The following MBP variants were observed in gnomAD, a reference collection of about 807,000 sequenced individuals.
MBP encodes myelin basic protein.
In MBP, 16 loss-of-function variants were observed where a neutral mutation model predicts 35.8. The ratio of observed to expected loss-of-function variants is 0.45; its 90% confidence interval spans 0.30 to 0.68. MBP has a LOEUF of 0.68. Among genes scored for constraint, MBP ranks in the 30% least tolerant of loss-of-function variants. The probability of loss-of-function intolerance (pLI) is 0.08; values close to 1 mark genes in which losing one functional copy is unlikely to be tolerated. For missense variants in MBP, 380 were observed against 404.7 expected, an observed-to-expected ratio of 0.94 and a Z score of 0.52; for synonymous variants, 143 against 159.6, an observed-to-expected ratio of 0.90 and a Z score of 0.78.
chr18:77,082,683 G>T (rs907795537), intron 2 of MBP, among the ~76,000 whole-genome samples: 19 of 55,584 alleles, frequency 3.4e-4, no homozygotes, highest in Non-Finnish European at 6.5e-4. Context: ...CTTCCTCCCT[G>T]CAGCAGCTGG....
rs1214017403 is a variant in MBP, at chr18:76,984,764, G to C, written c.870+11C>G. The C allele has an allele frequency of 3.1e-6, 5 of 1,613,914 alleles. No individual in the cohort carries two copies. The highest frequency in any genetic ancestry group is 1.7e-5 in the Admixed American group (1 of 60,024). ...TCCCCGCTCAGTGGAGCTGAGCAGA[G>C]GGTACCTTACCAGCTTAAAAATTTT... On this transcript the variant is annotated intron_variant, in intron 8 of 8. Coordinates refer to ENST00000355994, the MANE Select transcript of MBP (RefSeq NM_001025101.2).
intron 4 of MBP, chr18:77,009,771 C>G: frequency 3.0e-6 from 4 of 1,321,582 alleles, no homozygotes; most frequent in Non-Finnish European, 4.2e-6. Flanking sequence ...CTACCTGCCC[C>G]GAGGGACAGT....
rs181708473 is a variant in MBP, at chr18:76,997,872, C to T, written c.577-7812G>A. Among the ~76,000 whole-genome samples, 421 of 152,074 alleles carry T rather than the reference C, an allele frequency of 2.8e-3. 1 individual carries two copies. The highest frequency in any genetic ancestry group is 4.3e-3 in the Admixed American group (65 of 15,280). Reference sequence around the variant, plus strand: ...GATTTTTTTGTATTTTTAGTAGAGACGGGGTTTCACTGTGTTAGCCAGGAT... The same window carrying T: ...GATTTTTTTGTATTTTTAGTAGAGATGGGGTTTCACTGTGTTAGCCAGGAT... On this transcript the variant is annotated intron_variant, in intron 4 of 8. Coordinates refer to ENST00000355994, the MANE Select transcript of MBP (RefSeq NM_001025101.2).
At chr18:77,080,018 C>G (rs1379296922) in intron 2 of MBP, among the ~76,000 whole-genome samples, 1 of 152,110 alleles carries the variant, frequency 6.6e-6, no homozygotes, top group Non-Finnish European at 1.5e-5. Context: ...GTTTTTTAAA[C>G]CTAAATCTGG....
intron 3 of MBP, among the ~76,000 whole-genome samples, chr18:77,053,119 G>C (rs1973571728): frequency 6.6e-6 from 1 of 152,252 alleles, no homozygotes; most frequent in Non-Finnish European, 1.5e-5. Flanking sequence ...GAAGCAGAGA[G>C]GGGAACAGCA....
intron 2 of MBP, among the ~76,000 whole-genome samples, chr18:77,075,576 C>G (rs1299664867): frequency 6.6e-6 from 1 of 152,154 alleles, no homozygotes; most frequent in Non-Finnish European, 1.5e-5. Flanking sequence ...GATATGCAAG[C>G]CCCTCTTTGA....
chr18:77,036,702 G>C (rs536400990), intron 3 of MBP, among the ~76,000 whole-genome samples: 85 of 148,050 alleles, frequency 5.7e-4, no homozygotes, highest in African/African-American at 2.0e-3. Flanking sequence ...AGCAAGTGCT[G>C]GTCACATTTT....
At position 76,988,874 on chromosome 18, in the gene MBP, T is replaced by TA; in HGVS notation, c.717+2dup. The TA allele has an allele frequency of 6.2e-7, 1 of 1,613,646 alleles. No homozygotes were observed. Among genetic ancestry groups the TA allele is most frequent in the Non-Finnish European group, 8.5e-7 (1 of 1,179,720 alleles). On this transcript the variant is annotated splice_region_variant and intron_variant, in intron 6 of 8. Coordinates refer to ENST00000355994, the MANE Select transcript of MBP (RefSeq NM_001025101.2). This position sits in a 1 kb window ranked among gnomAD's most constrained non-coding sequence, Gnocchi z 5.2. Reference sequence around the variant, plus strand: ...GATCAATCAAAACATTCCAAGGTCTTACCTTTCCCTGCGACGGGGGTGGTG... The same window carrying TA: ...GATCAATCAAAACATTCCAAGGTCTTAACCTTTCCCTGCGACGGGGGTGGTG...
At chr18:77,043,434 C>A (rs1416993395) in intron 3 of MBP, among the ~76,000 whole-genome samples, 1 of 150,468 alleles carries the variant, frequency 6.6e-6, no homozygotes, top group Non-Finnish European at 1.5e-5. Flanking sequence ...GGCAGAGATT[C>A]CTGTAAGTCT....
chr18:77,126,357 G>GACAAAAT (rs1363895802), intron 1 of MBP, among the ~76,000 whole-genome samples: 3 of 152,086 alleles, frequency 2.0e-5, no homozygotes, highest in Admixed American at 2.0e-4. Context: ...AAAGACATTT[G>GACAAAAT]ACAAAATACA....
At chr18:77,080,393 C>T (rs1471616458) in intron 2 of MBP, among the ~76,000 whole-genome samples, 2 of 152,242 alleles carry the variant, frequency 1.3e-5, no homozygotes, top group Non-Finnish European at 2.9e-5. Context: ...CTGGGCTCCT[C>T]ACCTGGGGCC....
intron 4 of MBP, among the ~76,000 whole-genome samples, chr18:76,993,683 C>T (rs1464539583): frequency 6.6e-6 from 1 of 152,140 alleles, no homozygotes; most frequent in Non-Finnish European, 1.5e-5. Flanking sequence ...CCTGATGAGA[C>T]TGTCAACCTC....
intron 2 of MBP, among the ~76,000 whole-genome samples, chr18:77,067,259 T>C (rs1000140650): frequency 6.6e-6 from 1 of 152,166 alleles, no homozygotes; most frequent in Admixed American, 6.5e-5. Context: ...CCTTCCAGAC[T>C]TTGCACAATC....
chr18:77,001,852 A>C (rs1970652854), intron 4 of MBP, among the ~76,000 whole-genome samples: 1 of 152,186 alleles, frequency 6.6e-6, no homozygotes, highest in Non-Finnish European at 1.5e-5. Context: ...TTCATCTCAA[A>C]AAAAAGAAAA....
intron 3 of MBP, among the ~76,000 whole-genome samples, chr18:77,057,262 G>A (rs995409308): frequency 2.0e-5 from 3 of 152,156 alleles, no homozygotes; most frequent in African/African-American, 7.2e-5. Context: ...GGGAGCACTG[G>A]GCTCCGATCC....
intron 3 of MBP, among the ~76,000 whole-genome samples, chr18:77,046,760 C>T (rs1350757574): frequency 6.6e-6 from 1 of 152,246 alleles, no homozygotes; most frequent in African/African-American, 2.4e-5. Context: ...ACGGCCCACC[C>T]TTCCTTCCAG....
chr18:76,983,971 A>T (rs1025519023), intron 8 of MBP: 22 of 152,220 alleles, frequency 1.4e-4, no homozygotes, highest in Admixed American at 7.9e-4. Context: ...GGTCTCCTCC[A>T]GGATGAAAAT....
intron 8 of MBP, chr18:76,984,442 C>G (rs981658011): frequency 3.3e-6 from 1 of 299,642 alleles, no homozygotes; most frequent in African/African-American, 2.2e-5. Flanking sequence ...GCTTTAGCTC[C>G]CTGAGGGCCC....
At chr18:77,123,510 G>C (rs1054897431) in intron 1 of MBP, among the ~76,000 whole-genome samples, 2 of 152,212 alleles carry the variant, frequency 1.3e-5, no homozygotes, top group African/African-American at 2.4e-5. Flanking sequence ...TGGAAACACC[G>C]AGGCACTCAC....
Sources: gnomAD v4.1 joint callset for allele counts (sites outside exome capture counted in the v4.1 genomes callset) on GRCh38, gnomAD v4.1.1 for gene constraint, Gnocchi (gnomAD v3.1) non-coding constraint, MANE v1.5 for transcripts, NCBI Gene and HGNC (gene_info 2026-07-23, HGNC 2026-07-21) for gene names.